CLTCL1: variants seen among roughly 807,000 people sequenced by gnomAD.
The protein encoded by CLTCL1 is clathrin heavy chain 2.
CLTCL1 carries 159 observed loss-of-function variants against 190.0 expected under a neutral mutation model. That is an observed-to-expected ratio of 0.84 (90% CI 0.74 to 0.95). The LOEUF is 0.95. CLTCL1 is among the 40% of genes least tolerant of loss of function. The pLI is 0.00. For synonymous variants in CLTCL1, 752 were observed against 769.6 expected, an observed-to-expected ratio of 0.98 and a Z score of 0.38; for missense variants, 1,878 against 2,033.4, an observed-to-expected ratio of 0.92 and a Z score of 1.47.
At chr22:19,237,610 T>C (rs1458819513) in intron 5 of CLTCL1, among the ~76,000 whole-genome samples, 7 of 152,232 alleles carry the variant, frequency 4.6e-5, no homozygotes, top group Non-Finnish European at 7.3e-5. Context: ...ATGTTCCTTA[T>C]AGTGTTTCTT....
At chr22:19,275,509 G>T in intron 2 of CLTCL1, 114 bp downstream of exon 2, 1 of 1,124,552 alleles carries the variant, frequency 8.9e-7, no homozygotes, top group Non-Finnish European at 1.3e-6. Context: ...GAATTAAGTG[G>T]AATACTATTG....
intron 11 of CLTCL1, among the ~76,000 whole-genome samples, chr22:19,229,095 C>A (rs2085842008): frequency 1.3e-5 from 2 of 152,082 alleles, no homozygotes; most frequent in African/African-American, 4.8e-5. Context: ...TGGATATATG[C>A]CCAAAAGAAT....
chr22:19,281,814 G>A (rs1045369567), intron 1 of CLTCL1, among the ~76,000 whole-genome samples: 1 of 152,166 alleles, frequency 6.6e-6, no homozygotes, highest in Non-Finnish European at 1.5e-5. Context: ...CCAATCTCTT[G>A]AGCATAGTGG....
At chr22:19,201,844 CACAACCAAT>C (rs1187677249) in intron 22 of CLTCL1, among the ~76,000 whole-genome samples, 1 of 152,138 alleles carries the variant, frequency 6.6e-6, no homozygotes, top group African/African-American at 2.4e-5. Flanking sequence ...AAAAACCGTT[CACAACCAAT>C]CTTGTGTCAG....
chr22:19,242,677 A>G (rs139683890), intron 4 of CLTCL1, 98 bp downstream of exon 4: 14,682 of 1,307,192 alleles, frequency 0.011, 267 homozygotes, highest in East Asian at 0.067. Flanking sequence ...CTTTCCTCAC[A>G]CAGACATCTG....
intron 1 of CLTCL1, among the ~76,000 whole-genome samples, chr22:19,284,247 T>A (rs988780479): frequency 2.6e-5 from 4 of 152,186 alleles, no homozygotes; most frequent in Non-Finnish European, 5.9e-5. Context: ...TCTGTATCTG[T>A]CTCCTTCCCA....
intron 2 of CLTCL1, among the ~76,000 whole-genome samples, chr22:19,265,228 G>A (rs1254171789): frequency 6.6e-6 from 1 of 152,094 alleles, no homozygotes; most frequent in Non-Finnish European, 1.5e-5. Flanking sequence ...ACTGCTTTTG[G>A]ACATAATTTA....
chr22:19,275,815 T>C lies in CLTCL1; in HGVS notation c.58A>G (p.Ile20Val). The C allele has an allele frequency of 6.3e-7, 1 of 1,599,170 alleles. No homozygotes were observed. The highest frequency in any genetic ancestry group is 8.5e-7 in the Non-Finnish European group (1 of 1,172,646). The change falls in exon 2 of 33, where the codon ATT (isoleucine) becomes GTT (valine). Residue 20 changes from isoleucine to valine, a missense_variant. By Grantham distance (29) the Ile-to-Val change is conservative. Transcript: ENST00000427926. ...QEHFQLQNLG[I>V]NPANIGFSTL... is the part of the protein sequence containing the mutation. The stretch of plus-strand genomic sequence containing the variant: ...CTGAATCCAATGTTAGCTGGATTAA[T>C]TCCAAGGTTTTGGAGCTAAACAGAA...
At chr22:19,187,794 A>T in intron 28 of CLTCL1, 66 bp from the exon 29 acceptor site, 1 of 1,512,964 alleles carries the variant, frequency 6.6e-7, no homozygotes, top group Non-Finnish European at 9.1e-7. Context: ...TGGAGCAGGC[A>T]CCTTGTGTTA....
chr22:19,255,310 C>T lies in CLTCL1; in HGVS notation c.251-1083G>A, dbSNP rs1601660138. On this transcript the variant is annotated intron_variant, in intron 2 of 32. Transcript: ENST00000427926. ...GGGCACAGTGGCTCACACCTGTATT[C>T]CCAGCACTTTGGGAGGCTGAGGCTG... is the stretch of plus-strand genomic sequence containing the variant. Among the ~76,000 whole-genome samples the T allele has an allele frequency of 2.0e-5, 3 of 152,310 alleles. No homozygotes were observed. In the East Asian group the frequency reaches 5.8e-4, roughly 29 times the overall value.
intron 2 of CLTCL1, among the ~76,000 whole-genome samples, chr22:19,264,606 C>T (rs782673733): frequency 6.6e-5 from 10 of 152,192 alleles, no homozygotes; most frequent in South Asian, 6.2e-4. Context: ...AGCCAAGCTA[C>T]GCAACAACTG....
intron 18 of CLTCL1, among the ~76,000 whole-genome samples, chr22:19,218,873 G>T (rs2085475019): frequency 6.6e-6 from 1 of 152,228 alleles, no homozygotes; most frequent in South Asian, 2.1e-4. Flanking sequence ...CTCCAAGGAG[G>T]TGCTGGATAG....
At chr22:19,189,746 C>T (rs781947682) in intron 27 of CLTCL1, among the ~76,000 whole-genome samples, 4 of 152,168 alleles carry the variant, frequency 2.6e-5, no homozygotes, top group African/African-American at 4.8e-5. Context: ...TCCTTATATA[C>T]TGGTGTCTTT....
At chr22:19,195,854 A>C (rs1166132401) in intron 26 of CLTCL1, among the ~76,000 whole-genome samples, 3 of 151,892 alleles carry the variant, frequency 2.0e-5, no homozygotes, top group Non-Finnish European at 4.4e-5. Flanking sequence ...GAGAGACATG[A>C]ACTAAAAAAA....
intron 1 of CLTCL1, among the ~76,000 whole-genome samples, chr22:19,277,184 T>C (rs1256420388): frequency 1.3e-5 from 2 of 152,166 alleles, no homozygotes; most frequent in Non-Finnish European, 2.9e-5. Flanking sequence ...GCCTTGTTTG[T>C]CTTTTGTAGC....
chr22:19,286,525 CATA>C (rs1296352864), intron 1 of CLTCL1, among the ~76,000 whole-genome samples: 1 of 152,178 alleles, frequency 6.6e-6, no homozygotes, highest in Non-Finnish European at 1.5e-5. Context: ...GAGATAGCTA[CATA>C]ATGGCAACAT....
At chr22:19,271,128 T>C (rs2087302922) in intron 2 of CLTCL1, among the ~76,000 whole-genome samples, 1 of 148,584 alleles carries the variant, frequency 6.7e-6, no homozygotes, top group Admixed American at 6.6e-5. Flanking sequence ...GCCGCACAGA[T>C]ACTAGATTAG....
intron 5 of CLTCL1, 81 bp from the exon 6 acceptor site, chr22:19,235,950 A>G (rs2086069406): frequency 8.0e-7 from 1 of 1,250,688 alleles, no homozygotes; most frequent in Non-Finnish European, 1.1e-6. Flanking sequence ...AATGATAAAG[A>G]GGATTCTTGT....
At chr22:19,268,950 C>T (rs564061776) in intron 2 of CLTCL1, among the ~76,000 whole-genome samples, 95 of 152,118 alleles carry the variant, frequency 6.2e-4, no homozygotes, top group African/African-American at 2.1e-3. Flanking sequence ...ATTAGCCAGG[C>T]GTGGCGGCAC....
Sources: gnomAD v4.1 joint callset for allele counts (sites outside exome capture counted in the v4.1 genomes callset) on GRCh38, gnomAD v4.1.1 for gene constraint, MANE v1.5 for transcripts, NCBI Gene and HGNC (gene_info 2026-07-23, HGNC 2026-07-21) for gene names.